ZBTB16: variants seen among roughly 807,000 people sequenced by gnomAD.
The protein encoded by ZBTB16 is zinc finger and BTB domain containing 16.
ZBTB16 carries 8 observed loss-of-function variants against 56.8 expected under a neutral mutation model. The observed-to-expected ratio is 0.14, with a 90% CI of 0.08 to 0.25. The LOEUF is 0.25. Ranked by LOEUF, ZBTB16 falls within the 10% of genes least tolerant of loss-of-function variation. The pLI is 1.00. For missense variants in ZBTB16, 625 were observed against 903.0 expected, an observed-to-expected ratio of 0.69 and a Z score of 3.95; for synonymous variants, 363 against 368.5, an observed-to-expected ratio of 0.98 and a Z score of 0.17.
intron 2 of ZBTB16, among the ~76,000 whole-genome samples, chr11:114,091,658 GTA>G (rs1940195996): frequency 8.0e-6 from 1 of 124,606 alleles, no homozygotes; most frequent in Non-Finnish European, 1.6e-5. Context: ...CCTGTTTAAA[GTA>G]TATGGCTGCA....
At chr11:114,123,344 A>G (rs1408179482) in intron 2 of ZBTB16, among the ~76,000 whole-genome samples, 1 of 152,166 alleles carries the variant, frequency 6.6e-6, no homozygotes, top group East Asian at 1.9e-4. Context: ...AGTGCAGATG[A>G]AAAGGCTGAA....
intron 4 of ZBTB16, chr11:114,188,398 C>T (rs1011648984): frequency 6.6e-6 from 1 of 152,160 alleles, no homozygotes; most frequent in African/African-American, 2.4e-5. Context: ...CTGACTCTGC[C>T]ACTTCCTATT....
At chr11:114,157,735 C>G (rs1942458482) in intron 3 of ZBTB16, among the ~76,000 whole-genome samples, 1 of 152,222 alleles carries the variant, frequency 6.6e-6, no homozygotes, top group Non-Finnish European at 1.5e-5. Flanking sequence ...CATGGCCCTT[C>G]CTAAAGCGTC....
intron 5 of ZBTB16, among the ~76,000 whole-genome samples, chr11:114,245,079 G>A (rs1944787812): frequency 6.6e-6 from 1 of 152,218 alleles, no homozygotes; most frequent in South Asian, 2.1e-4. Context: ...GAGAGAGTGG[G>A]TTCGGGTGCA....
intron 3 of ZBTB16, among the ~76,000 whole-genome samples, chr11:114,177,271 G>A (rs1477952004): frequency 6.6e-6 from 1 of 152,220 alleles, no homozygotes; most frequent in Non-Finnish European, 1.5e-5. Context: ...AGCCGTCTCT[G>A]GATTTGAGCT....
At chr11:114,071,099 T>C (rs1459837863) in intron 2 of ZBTB16, among the ~76,000 whole-genome samples, 6 of 152,212 alleles carry the variant, frequency 3.9e-5, no homozygotes, top group Admixed American at 3.9e-4. Flanking sequence ...TGTTGCGCTC[T>C]TTAAAAAATT....
intron 4 of ZBTB16, among the ~76,000 whole-genome samples, chr11:114,196,149 C>T (rs1943603168): frequency 6.6e-6 from 1 of 152,170 alleles, no homozygotes; most frequent in Non-Finnish European, 1.5e-5. Flanking sequence ...TAAACCCAGG[C>T]CAGACAGGCC....
At chr11:114,155,741 C>T (rs146900085) in intron 2 of ZBTB16, among the ~76,000 whole-genome samples, 2 of 152,292 alleles carry the variant, frequency 1.3e-5, no homozygotes, top group East Asian at 3.9e-4. Context: ...GAAAGGTGTG[C>T]ATGTTGGGGT....
intron 4 of ZBTB16, among the ~76,000 whole-genome samples, chr11:114,232,354 G>T (rs1944455746): frequency 6.6e-6 from 1 of 152,184 alleles, no homozygotes; most frequent in African/African-American, 2.4e-5. Context: ...GAGTAAACAG[G>T]TGCCTGTCTC....
At chr11:114,174,438 T>A (rs1316125471) in intron 3 of ZBTB16, among the ~76,000 whole-genome samples, 1 of 152,096 alleles carries the variant, frequency 6.6e-6, no homozygotes. Context: ...CCCAGTACTC[T>A]GGGAAGCCAA....
intron 4 of ZBTB16, among the ~76,000 whole-genome samples, chr11:114,207,625 A>T (rs1298010268): frequency 6.6e-6 from 1 of 151,514 alleles, no homozygotes; most frequent in African/African-American, 2.4e-5. Context: ...ACACACACAC[A>T]CATATTGAGG....
At chr11:114,104,652 G>A (rs1940727499) in intron 2 of ZBTB16, among the ~76,000 whole-genome samples, 1 of 152,208 alleles carries the variant, frequency 6.6e-6, no homozygotes, top group South Asian at 2.1e-4. Flanking sequence ...AGGAGATCCT[G>A]TGGCCTGGGA....
intron 2 of ZBTB16, among the ~76,000 whole-genome samples, chr11:114,090,177 C>T (rs1483799501): frequency 6.6e-6 from 1 of 152,192 alleles, no homozygotes; most frequent in Non-Finnish European, 1.5e-5. Context: ...AATGTGGCTC[C>T]CTGCTATTCT....
intron 3 of ZBTB16, among the ~76,000 whole-genome samples, chr11:114,167,216 GTTTTTTTTTTTTTTGGT>G (rs1565663021): frequency 1.3e-5 from 1 of 79,940 alleles, no homozygotes; most frequent in African/African-American, 4.4e-5. Context: ...TGGATTTGTG[GTTTTTTTTTTTTTTGGT>G]TTTTTTTTTT....
At chr11:114,213,935 A>C (rs901377722) in intron 4 of ZBTB16, among the ~76,000 whole-genome samples, 6 of 152,052 alleles carry the variant, frequency 3.9e-5, no homozygotes, top group African/African-American at 1.4e-4. Context: ...TTGCTGCTCC[A>C]CCTCTTTTAA....
At chr11:114,069,381 G>A (rs768275352) in intron 2 of ZBTB16, among the ~76,000 whole-genome samples, 1 of 152,196 alleles carries the variant, frequency 6.6e-6, no homozygotes, top group Non-Finnish European at 1.5e-5. Flanking sequence ...CACCACGCCC[G>A]GCCTATTGCC....
chr11:114,073,675 A>T (rs1384725193), intron 2 of ZBTB16, among the ~76,000 whole-genome samples: 1 of 152,218 alleles, frequency 6.6e-6, no homozygotes, highest in African/African-American at 2.4e-5. Flanking sequence ...TGCAGTAGAA[A>T]GGGTCCAAGT....
intron 2 of ZBTB16, among the ~76,000 whole-genome samples, chr11:114,115,440 G>A (rs238911): frequency 0.42 from 62,897 of 150,308 alleles, 13,288 homozygotes; most frequent in Admixed American, 0.48. Flanking sequence ...AGGACTCTTA[G>A]CACATCGGCA....
At chr11:114,189,424 A>G (rs1019361053) in intron 4 of ZBTB16, 5 of 152,176 alleles carry the variant, frequency 3.3e-5, no homozygotes, top group Non-Finnish European at 7.3e-5. Context: ...AAAAATACAG[A>G]TAGTTACAAG....
Sources: allele counts gnomAD v4.1 joint callset (sites outside exome capture counted in the v4.1 genomes callset), GRCh38; gene constraint gnomAD v4.1.1; transcripts MANE v1.5; gene names NCBI Gene and HGNC (gene_info 2026-07-23, HGNC 2026-07-21).